CCDC60: variants seen among roughly 807,000 people sequenced by gnomAD.
CCDC60 encodes coiled-coil domain-containing protein 60.
In CCDC60, 54 loss-of-function variants were observed where a neutral mutation model predicts 63.5. That is an observed-to-expected ratio of 0.85 (90% CI 0.68 to 1.07). The LOEUF (loss-of-function observed/expected upper bound fraction) is 1.07. Among genes scored for constraint, CCDC60 ranks in the 50% least tolerant of loss-of-function variants. CCDC60 has a pLI of 0.00. For synonymous variants in CCDC60, 206 were observed against 238.8 expected, an observed-to-expected ratio of 0.86 and a Z score of 1.27; for missense variants, 651 against 684.3, an observed-to-expected ratio of 0.95 and a Z score of 0.54.
intron 2 of CCDC60, chr12:119,433,517 G>A: frequency 1.4e-6 from 1 of 702,350 alleles, no homozygotes; most frequent in Middle Eastern, 2.3e-4. Context: ...ATTAAGGAAG[G>A]AATCAGGATT....
intron 1 of CCDC60, among the ~76,000 whole-genome samples, chr12:119,342,134 A>G (rs1407361965): frequency 6.6e-6 from 1 of 152,226 alleles, no homozygotes; most frequent in Non-Finnish European, 1.5e-5. Context: ...GCTCACTAGC[A>G]TCAGGCTGGC....
chr12:119,445,725 G>A (rs1045289021), intron 2 of CCDC60, among the ~76,000 whole-genome samples: 6 of 152,214 alleles, frequency 3.9e-5, no homozygotes, highest in South Asian at 2.1e-4. Flanking sequence ...GATTAGCTTC[G>A]AAAGAGTGTT....
intron 1 of CCDC60, among the ~76,000 whole-genome samples, chr12:119,391,558 T>C (rs1326147845): frequency 6.6e-6 from 1 of 152,214 alleles, no homozygotes; most frequent in African/African-American, 2.4e-5. Flanking sequence ...ATGACAGCAA[T>C]AATAACCTCT....
intron 4 of CCDC60, among the ~76,000 whole-genome samples, chr12:119,480,915 C>T (rs1951300233): frequency 6.7e-6 from 1 of 150,136 alleles, no homozygotes; most frequent in African/African-American, 2.5e-5. Flanking sequence ...TCCTCACCAT[C>T]ACCATCATCA....
intron 13 of CCDC60, 69 bp from the exon 14 acceptor site, chr12:119,540,545 G>A: frequency 9.4e-7 from 1 of 1,066,378 alleles, no homozygotes; most frequent in Admixed American, 1.7e-5. Context: ...GGATCTTGAG[G>A]GGAGGGAGAG....
At chr12:119,430,203 T>TAC (rs922536200) in intron 2 of CCDC60, among the ~76,000 whole-genome samples, 1 of 124,172 alleles carries the variant, frequency 8.1e-6, no homozygotes, top group Admixed American at 8.0e-5. Flanking sequence ...CACACACACA[T>TAC]ACACACACAC....
At chr12:119,523,585 T>TC in intron 10 of CCDC60, 108 bp from the exon 11 acceptor site, 1 of 1,477,400 alleles carries the variant, frequency 6.8e-7, no homozygotes, top group Non-Finnish European at 9.1e-7. Flanking sequence ...CTACAGGGAG[T>TC]CCCCCATGCA....
chr12:119,351,696 T>G (rs1955658132), intron 1 of CCDC60, among the ~76,000 whole-genome samples: 1 of 152,202 alleles, frequency 6.6e-6, no homozygotes, highest in Non-Finnish European at 1.5e-5. Context: ...ATAGCAAGAG[T>G]GACCTTTACT....
chr12:119,518,274 C>A (rs114702415), intron 8 of CCDC60, among the ~76,000 whole-genome samples: 1 of 152,168 alleles, frequency 6.6e-6, no homozygotes, highest in Non-Finnish European at 1.5e-5. Context: ...TTGTAAGAAC[C>A]CACAGCACAA....
chr12:119,390,227 A>G (rs1265377448), intron 1 of CCDC60, among the ~76,000 whole-genome samples: 1 of 152,030 alleles, frequency 6.6e-6, no homozygotes, highest in East Asian at 1.9e-4. Flanking sequence ...CTTAATAAAC[A>G]CACTTTTGTC....
chr12:119,384,682 G>A (rs551157437), intron 1 of CCDC60, among the ~76,000 whole-genome samples: 46 of 152,338 alleles, frequency 3.0e-4, no homozygotes, highest in African/African-American at 1.0e-3. Flanking sequence ...AGAGCTGCAA[G>A]GGGCTGGTCC....
intron 11 of CCDC60, among the ~76,000 whole-genome samples, chr12:119,524,716 C>CTTTTATTTTTTTTTTTT (rs1416953138): frequency 2.2e-5 from 2 of 90,588 alleles, no homozygotes; most frequent in South Asian, 3.3e-4. Context: ...CTTTTCTTTT[C>CTTTTATTTTTTTTTTTT]TTTTCTTTTT....
At chr12:119,525,862 T>C (rs753015013) in intron 11 of CCDC60, among the ~76,000 whole-genome samples, 9 of 152,202 alleles carry the variant, frequency 5.9e-5, no homozygotes, top group Non-Finnish European at 8.8e-5. Context: ...GATTCAATTA[T>C]ATTCCTATCA....
At chr12:119,394,772 A>C (rs1363726520) in intron 1 of CCDC60, among the ~76,000 whole-genome samples, 2 of 152,212 alleles carry the variant, frequency 1.3e-5, no homozygotes, top group African/African-American at 4.8e-5. Context: ...TCAAGCAACA[A>C]ACACTCACTG....
intron 12 of CCDC60, 38 bp from the exon 13 acceptor site, chr12:119,530,836 G>A: frequency 6.4e-7 from 1 of 1,573,766 alleles, no homozygotes; most frequent in Non-Finnish European, 8.7e-7. Flanking sequence ...AGATCTTCCA[G>A]CAGCTTCCTA....
At chr12:119,353,103 C>G (rs34612649) in intron 1 of CCDC60, among the ~76,000 whole-genome samples, 15,720 of 151,924 alleles carry the variant, frequency 0.1, 1,524 homozygotes, top group East Asian at 0.52. Flanking sequence ...CACTGTTCAC[C>G]TCAGATGCAG....
At chr12:119,350,466 C>G (rs572297572) in intron 1 of CCDC60, among the ~76,000 whole-genome samples, 2 of 152,082 alleles carry the variant, frequency 1.3e-5, no homozygotes, top group Non-Finnish European at 2.9e-5. Context: ...CTCCTTACCT[C>G]AAGTGATCTG....
At chr12:119,540,589 G>A in intron 13 of CCDC60, 25 bp from the exon 14 acceptor site, 1 of 1,557,990 alleles carries the variant, frequency 6.4e-7, no homozygotes, top group Non-Finnish European at 8.8e-7. Context: ...CAAATTCTGA[G>A]ATTGCCACTA....
intron 7 of CCDC60, 29 bp downstream of exon 7, chr12:119,505,332 T>C: frequency 6.7e-7 from 1 of 1,490,258 alleles, no homozygotes; most frequent in Non-Finnish European, 9.2e-7. Flanking sequence ...CTGACTCATC[T>C]ACCCTGACCC....
Sources: gnomAD v4.1 joint callset for allele counts (sites outside exome capture counted in the v4.1 genomes callset) on GRCh38, gnomAD v4.1.1 for gene constraint, MANE v1.5 for transcripts, NCBI Gene and HGNC (gene_info 2026-07-23, HGNC 2026-07-21) for gene names.